HIPK3: variants seen among roughly 807,000 people sequenced by gnomAD.
HIPK3 encodes homeodomain interacting protein kinase 3, also known as homeodomain-interacting protein kinase 3.
HIPK3 carries 47 observed loss-of-function variants against 124.2 expected under a neutral mutation model. The ratio of observed to expected loss-of-function variants is 0.38; its 90% CI spans 0.30 to 0.48. The LOEUF (loss-of-function observed/expected upper bound fraction) is 0.48, where lower values mean the gene tolerates loss of function less well. Among genes scored for constraint, HIPK3 ranks in the 20% least tolerant of loss-of-function variants. The pLI is 0.98. For synonymous variants in HIPK3, 482 were observed against 515.2 expected, an observed-to-expected ratio of 0.94 and a Z score of 0.87; for missense variants, 1,286 against 1,454.3, an observed-to-expected ratio of 0.88 and a Z score of 1.88.
At chr11:33,297,347 G>GATTA (rs1851869667) in intron 2 of HIPK3, among the ~76,000 whole-genome samples, 2 of 152,160 alleles carry the variant, frequency 1.3e-5, no homozygotes, top group Non-Finnish European at 2.9e-5. Flanking sequence ...ACCCAACTTG[G>GATTA]CCTCCCAGAG....
At chr11:33,347,113 G>A (rs111969444) in intron 8 of HIPK3, among the ~76,000 whole-genome samples, 180 bp from the exon 9 acceptor site, 131 of 152,094 alleles carry the variant, frequency 8.6e-4, no homozygotes, top group African/African-American at 3.1e-3. Context: ...GAGTCCAGGA[G>A]GTTGAGGCCA....
chr11:33,324,342 T>A (rs2068825), intron 2 of HIPK3, among the ~76,000 whole-genome samples: 1 of 152,194 alleles, frequency 6.6e-6, no homozygotes, highest in Non-Finnish European at 1.5e-5. Context: ...TTCCCAACTT[T>A]CCTCATGCTA....
chr11:33,332,283 G>A (rs1057131413), intron 3 of HIPK3, among the ~76,000 whole-genome samples: 1 of 151,998 alleles, frequency 6.6e-6, no homozygotes. Context: ...TTTTATTTCC[G>A]TTTATATAGA....
rs575312805 is a variant in HIPK3 at position 33,299,158 on chromosome 11, C to T, written c.1097+11647C>T. Among the ~76,000 whole-genome samples, 14 of 150,150 alleles carry T rather than the reference C, an allele frequency of 9.3e-5. 1 individual carries two copies. In the South Asian group the frequency reaches 2.7e-3, roughly 29 times the overall value. On this transcript the variant is annotated intron_variant, in intron 2 of 16. Coordinates refer to ENST00000303296, the MANE Select transcript of HIPK3 (RefSeq NM_005734.5). ...CACTGTGCCTGGCCTAGACGAGTTG[C>T]TTCTTTTGGATGAGCAAAGAAAGTG... is the stretch of plus-strand genomic sequence containing the variant.
Position 33,284,143 on chromosome 11 carries a change from C to T in HIPK3, c.-2-2270C>T, listed in dbSNP as rs988135703. Among the ~76,000 whole-genome samples, 3 of 151,996 alleles carry T rather than the reference C, an allele frequency of 2.0e-5. No homozygotes were observed. The East Asian group carries it at 5.8e-4, about 29-fold the overall frequency. On this transcript the variant is annotated intron_variant, in intron 1 of 16. Transcript: ENST00000303296. ...AATCTGTGGATTCTGAGTTAAAGAACTGATGTTTGTGATTTGTTATAAGAG... is the reference window on the plus strand; with the variant it reads ...AATCTGTGGATTCTGAGTTAAAGAATTGATGTTTGTGATTTGTTATAAGAG...
intron 8 of HIPK3, among the ~76,000 whole-genome samples, chr11:33,346,540 TCA>T (rs759619930): frequency 6.6e-6 from 1 of 152,180 alleles, no homozygotes; most frequent in Non-Finnish European, 1.5e-5. Context: ...TAAGATTCTA[TCA>T]CAGTTTTAAA....
intron 2 of HIPK3, among the ~76,000 whole-genome samples, chr11:33,295,805 G>A (rs1851829438): frequency 6.6e-6 from 1 of 152,200 alleles, no homozygotes; most frequent in Non-Finnish European, 1.5e-5. Flanking sequence ...CCCATTATTG[G>A]TAAGGCGAAC....
intron 2 of HIPK3, among the ~76,000 whole-genome samples, chr11:33,310,656 T>C (rs1399444940): frequency 6.6e-6 from 1 of 152,188 alleles, no homozygotes; most frequent in African/African-American, 2.4e-5. Flanking sequence ...GCAATTAAAT[T>C]CCTCAGTTAC....
intron 4 of HIPK3, among the ~76,000 whole-genome samples, chr11:33,338,467 C>T (rs764315824): frequency 6.6e-6 from 1 of 151,574 alleles, no homozygotes; most frequent in African/African-American, 2.4e-5. Context: ...CTCTTGACCT[C>T]GTGATCCACC....
At chr11:33,324,257 G>A (rs1311318882) in intron 2 of HIPK3, among the ~76,000 whole-genome samples, 1 of 152,156 alleles carries the variant, frequency 6.6e-6, no homozygotes, top group Non-Finnish European at 1.5e-5. Flanking sequence ...AAAGTGTATT[G>A]TGTTGTAAAC....
Position 33,353,082 on chromosome 11 carries a change from T to TTTG in HIPK3, c.3172-9_3172-8insTGT. 1 of 1,530,794 alleles carries TTTG rather than the reference T, an allele frequency of 6.5e-7. No individual in the cohort carries two copies. The highest frequency in any genetic ancestry group is 8.9e-7 in the Non-Finnish European group (1 of 1,129,862). 94.8% of individuals were successfully genotyped at this position (1,530,794 alleles called of 1,614,324 possible). A position where few individuals can be genotyped will look rare whatever the true frequency, so the allele number is the denominator to read the frequency against. On this transcript the variant is annotated splice_polypyrimidine_tract_variant and intron_variant, in intron 16 of 16. Transcript: ENST00000303296. The stretch of plus-strand genomic sequence containing the variant: ...TTATTCAGTCATTTTTTTTTTTTCT[T>TTTG]TGTGGATAGGTTCAGCACTTTGGAT...
chr11:33,259,086 T>TC (rs1200164361), intron 1 of HIPK3, among the ~76,000 whole-genome samples: 1 of 152,192 alleles, frequency 6.6e-6, no homozygotes, highest in Admixed American at 6.5e-5. Flanking sequence ...TGACACTTTT[T>TC]CCCTTTTTGC....
chr11:33,297,091 A>T (rs867982650), intron 2 of HIPK3, among the ~76,000 whole-genome samples: 6 of 136,498 alleles, frequency 4.4e-5, no homozygotes, highest in South Asian at 2.3e-4. Flanking sequence ...TATGGAAAAG[A>T]TTTTTTTTTT....
intron 3 of HIPK3, among the ~76,000 whole-genome samples, chr11:33,333,601 T>C (rs1453134204): frequency 6.6e-6 from 1 of 152,212 alleles, no homozygotes; most frequent in Non-Finnish European, 1.5e-5. Flanking sequence ...GGGTTCTAGA[T>C]GGAACATTTT....
chr11:33,294,990 ACTCATGTCAAGTAGCAT>A (rs1565069498), intron 2 of HIPK3, among the ~76,000 whole-genome samples: 4 of 152,020 alleles, frequency 2.6e-5, no homozygotes, highest in Non-Finnish European at 5.9e-5. Context: ...AAATGGAGTC[ACTCATGTCAAGTAGCAT>A]TGAGCTCACA....
chr11:33,269,283 C>G (rs996707598), intron 1 of HIPK3, among the ~76,000 whole-genome samples: 2 of 152,146 alleles, frequency 1.3e-5, no homozygotes, highest in Non-Finnish European at 2.9e-5. Context: ...TGACCTTCTC[C>G]CAGATTTCCA....
intron 2 of HIPK3, among the ~76,000 whole-genome samples, chr11:33,327,672 T>G (rs74382063): frequency 0.037 from 5,636 of 152,216 alleles, 176 homozygotes; most frequent in South Asian, 0.054. Context: ...CTCGGGTGAT[T>G]TAAGGAAAAA....
intron 2 of HIPK3, among the ~76,000 whole-genome samples, chr11:33,320,281 G>A (rs1325137654): frequency 6.6e-6 from 1 of 152,240 alleles, no homozygotes; most frequent in Admixed American, 6.5e-5. Context: ...CAAGCTGCTA[G>A]ATTGAGAATA....
chr11:33,353,611 T>A lies in HIPK3; in HGVS notation c.*43T>A, dbSNP rs1853738371. On this transcript the variant is annotated 3_prime_UTR_variant, in exon 17 of 17. Transcript: ENST00000303296. ...AAGCTCAATGATACAAACATTTGAT[T>A]AAAAATAAAAACATGGTATTTAATA... 1.6e-6 allele frequency: 2 copies of A among 1,267,150 alleles called. No individual in the cohort carries two copies. Among genetic ancestry groups the A allele is most frequent in the South Asian group, 2.5e-5 (2 of 78,806 alleles). The allele number at this position is 1,267,150 out of a possible 1,614,324, so 78.5% of individuals were successfully genotyped here. A position where few individuals can be genotyped will look rare whatever the true frequency, so the allele number is the denominator to read the frequency against.
Sources: gnomAD v4.1 joint callset for allele counts (sites outside exome capture counted in the v4.1 genomes callset) on GRCh38, gnomAD v4.1.1 for gene constraint, MANE v1.5 for transcripts, NCBI Gene and HGNC (gene_info 2026-07-23, HGNC 2026-07-21) for gene names.